Variants in ARHGAP32 observed in about 807,000 individuals in gnomAD.
ARHGAP32 encodes the protein Rho GTPase activating protein 32.
Under a neutral mutation model 186.5 loss-of-function variants are expected in ARHGAP32, and 51 were observed. The observed-to-expected ratio is 0.27, with a 90% CI of 0.22 to 0.35. ARHGAP32 has a LOEUF of 0.35. ARHGAP32 is among the 10% of genes least tolerant of loss of function. The pLI is 1.00. For synonymous variants in ARHGAP32, 950 were observed against 964.3 expected (o/e 0.99, Z 0.27); for missense variants, 2,186 against 2,623.5 (o/e 0.83, Z 3.64).
chr11:129,252,295 A>T (rs951308797), intron 1 of ARHGAP32, among the ~76,000 whole-genome samples: 1 of 152,210 alleles, frequency 6.6e-6, no homozygotes, highest in Non-Finnish European at 1.5e-5. Context: ...AAACTGGGTA[A>T]GAGGCAAGAA....
chr11:129,014,828 G>T (rs1938251924), intron 11 of ARHGAP32, among the ~76,000 whole-genome samples: 1 of 152,094 alleles, frequency 6.6e-6, no homozygotes, highest in African/African-American at 2.4e-5. Context: ...ACAAATACAG[G>T]CAACTGGATT....
intron 10 of ARHGAP32, among the ~76,000 whole-genome samples, chr11:129,061,292 A>C (rs913192181): frequency 1.3e-5 from 2 of 152,174 alleles, no homozygotes; most frequent in African/African-American, 2.4e-5. Flanking sequence ...GTAGTTGCTA[A>C]GTCAGTCTAA....
At chr11:128,977,291 T>C (rs927253338) in intron 19 of ARHGAP32, among the ~76,000 whole-genome samples, 2 of 152,246 alleles carry the variant, frequency 1.3e-5, no homozygotes, top group African/African-American at 2.4e-5. Context: ...TACGTACATA[T>C]GTGAATCTTA....
intron 1 of ARHGAP32, among the ~76,000 whole-genome samples, chr11:129,184,962 G>A (rs1283965923): frequency 1.3e-5 from 2 of 152,144 alleles, no homozygotes; most frequent in African/African-American, 4.8e-5. Flanking sequence ...GTGATACAGA[G>A]AAGAAGCAAC....
chr11:129,265,268 A>G (rs1161024156), intron 1 of ARHGAP32, among the ~76,000 whole-genome samples: 1 of 152,190 alleles, frequency 6.6e-6, no homozygotes, highest in Non-Finnish European at 1.5e-5. Flanking sequence ...AACGCACTCA[A>G]AGTAAAACCT....
chr11:129,228,011 G>C (rs1944809141), intron 1 of ARHGAP32, among the ~76,000 whole-genome samples: 1 of 152,002 alleles, frequency 6.6e-6, no homozygotes, highest in Admixed American at 6.6e-5. Flanking sequence ...CATTTAAAAG[G>C]ACTGAAATCA....
At chr11:129,098,747 T>C (rs1339378219) in intron 5 of ARHGAP32, among the ~76,000 whole-genome samples, 1 of 152,192 alleles carries the variant, frequency 6.6e-6, no homozygotes, top group Non-Finnish European at 1.5e-5. Flanking sequence ...TTTCAAAGGC[T>C]AATATATTTT....
Position 128,971,134 on chromosome 11 carries a change from T to C in ARHGAP32, c.4079A>G (p.Glu1360Gly). 1 of 1,613,556 alleles carries C rather than the reference T, an allele frequency of 6.2e-7. No individual in the cohort carries two copies. The highest frequency in any genetic ancestry group is 8.5e-7 in the Non-Finnish European group (1 of 1,179,516). ...HKVQGVVPVPERPPEPRAMDD... is the reference protein window; with the variant it reads ...HKVQGVVPVPGRPPEPRAMDD... ...CATGGCTCGAGGTTCAGGTGGCCTCTCTGGAACTGGAACTACTCCTTGAAC... is the reference window on the plus strand; with the variant it reads ...CATGGCTCGAGGTTCAGGTGGCCTCCCTGGAACTGGAACTACTCCTTGAAC... Residue 1360 changes from glutamate to glycine, a missense_variant, in exon 23 of 23, where the codon GAG becomes GGG. Physicochemically the swap from Glu to Gly is moderately conservative, Grantham distance 98. This residue lies in a region of ARHGAP32 where 1,502 missense variants were observed against 1,570.0 expected (regional missense o/e 0.96). Coordinates refer to ENST00000682385, the MANE Select transcript of ARHGAP32 (RefSeq NM_001378024.1).
chr11:129,171,282 T>C (rs1444543816), intron 1 of ARHGAP32, among the ~76,000 whole-genome samples: 3 of 152,242 alleles, frequency 2.0e-5, no homozygotes, highest in Admixed American at 6.5e-5. Context: ...TAGGTTTTCT[T>C]CTAGGGTTTT....
chr11:129,048,981 G>C (rs1939926808), intron 10 of ARHGAP32, among the ~76,000 whole-genome samples: 1 of 152,078 alleles, frequency 6.6e-6, no homozygotes, highest in South Asian at 2.1e-4. Context: ...AAACAGAGCA[G>C]TGCAAAGTAA....
chr11:129,054,328 T>C (rs1031079330), intron 10 of ARHGAP32, among the ~76,000 whole-genome samples: 1 of 152,258 alleles, frequency 6.6e-6, no homozygotes, highest in Non-Finnish European at 1.5e-5. Context: ...CTGTGTCTGA[T>C]TGCTCCCTTT....
intron 1 of ARHGAP32, among the ~76,000 whole-genome samples, chr11:129,209,055 T>C (rs1156588743): frequency 8.5e-5 from 13 of 152,166 alleles, no homozygotes; most frequent in Admixed American, 5.2e-4. Flanking sequence ...AAGGAAAAAC[T>C]CTTAAGACTG....
intron 1 of ARHGAP32, among the ~76,000 whole-genome samples, chr11:129,256,435 A>T (rs1945255327): frequency 6.6e-6 from 1 of 152,182 alleles, no homozygotes; most frequent in South Asian, 2.1e-4. Flanking sequence ...ATTCTCTCCA[A>T]TCAGAGGGAG....
intron 11 of ARHGAP32, among the ~76,000 whole-genome samples, chr11:129,000,131 C>T (rs1946315699): frequency 6.6e-6 from 1 of 152,104 alleles, no homozygotes; most frequent in Non-Finnish European, 1.5e-5. Context: ...ACAAAACACA[C>T]ACCCACACAA....
intron 15 of ARHGAP32, among the ~76,000 whole-genome samples, chr11:128,985,059 T>A (rs117597029): frequency 0.019 from 2,843 of 152,250 alleles, 41 homozygotes; most frequent in South Asian, 0.053. Flanking sequence ...CTCGCTTTGT[T>A]GTCCAGCTGG....
At position 129,192,170 on chromosome 11, in the gene ARHGAP32, A is replaced by C. The variant is rs759997265; in HGVS notation, c.29T>G (p.Leu10Ter). METESESSTLGDDSVFWLES... is the reference protein window; with the variant it reads METESESST ...CAACCAGAAGACACTGTCATCCCCTAAAGTGCTACTCTCACTTTCAGTCTC... is the reference window on the plus strand; with the variant it reads ...CAACCAGAAGACACTGTCATCCCCTCAAGTGCTACTCTCACTTTCAGTCTC... Residue 10 changes from leucine to a stop codon, truncating the protein, a stop_gained, in exon 1 of 23, where the codon TTA (leucine) becomes TGA (stop). Coordinates refer to ENST00000682385, the MANE Select transcript of ARHGAP32 (RefSeq NM_001378024.1). LOFTEE classifies it high-confidence loss of function. 1.9e-6 allele frequency: 3 copies of C among 1,613,812 alleles called. No homozygotes were observed. The highest frequency in any genetic ancestry group is 2.2e-5 in the South Asian group (2 of 91,086).
At chr11:129,264,325 G>A (rs1266746094) in intron 1 of ARHGAP32, among the ~76,000 whole-genome samples, 1 of 152,188 alleles carries the variant, frequency 6.6e-6, no homozygotes, top group Non-Finnish European at 1.5e-5. Flanking sequence ...GCACAATAAT[G>A]TGAATATATT....
chr11:128,975,365 T>A (rs1835019752), intron 20 of ARHGAP32, among the ~76,000 whole-genome samples: 1 of 152,188 alleles, frequency 6.6e-6, no homozygotes, highest in African/African-American at 2.4e-5. Context: ...TGGCCTCATA[T>A]GACTTATGAG....
intron 10 of ARHGAP32, among the ~76,000 whole-genome samples, chr11:129,045,283 C>T (rs1486950196): frequency 6.6e-6 from 1 of 152,210 alleles, no homozygotes; most frequent in Non-Finnish European, 1.5e-5. Flanking sequence ...GTGGTCATCA[C>T]TTGACCATAA....
Sources: allele counts gnomAD v4.1 joint callset (sites outside exome capture counted in the v4.1 genomes callset), GRCh38; gene constraint gnomAD v4.1.1; regional missense constraint gnomAD v4.1.1; transcripts MANE v1.5; gene names NCBI Gene and HGNC (gene_info 2026-07-23, HGNC 2026-07-21).